Variants in DLGAP1 observed in about 807,000 individuals in gnomAD.
DLGAP1 encodes the protein disks large-associated protein 1.
A neutral mutation model predicts 90.8 loss-of-function variants in DLGAP1; 11 were observed. The ratio of observed to expected loss-of-function variants is 0.12; its 90% confidence interval spans 0.08 to 0.20. The LOEUF (loss-of-function observed/expected upper bound fraction) is 0.20. Among genes scored for constraint, DLGAP1 ranks in the 10% least tolerant of loss-of-function variants. DLGAP1 has a pLI of 1.00. For missense variants in DLGAP1, 1,050 were observed against 1,333.8 expected (o/e 0.79, Z 3.31); for synonymous variants, 558 against 540.7 (o/e 1.03, Z -0.44).
intron 4 of DLGAP1, among the ~76,000 whole-genome samples, chr18:3,859,395 T>C (rs1048531103): frequency 6.6e-6 from 1 of 152,210 alleles, no homozygotes; most frequent in Non-Finnish European, 1.5e-5. Flanking sequence ...GATTCTGTAG[T>C]AGGCAGATTA....
At chr18:4,245,869 C>A (rs1409813013) in intron 1 of DLGAP1, among the ~76,000 whole-genome samples, 3 of 151,888 alleles carry the variant, frequency 2.0e-5, no homozygotes, top group African/African-American at 7.3e-5. Context: ...GACAGGGCCC[C>A]GACTCATCTT....
chr18:3,814,355 A>G, intron 4 of DLGAP1, 82 bp from the exon 5 acceptor site: 1 of 1,242,902 alleles, frequency 8.0e-7, no homozygotes, highest in South Asian at 1.5e-5. Flanking sequence ...TAGATTTAAC[A>G]TTTCTATTTT....
chr18:3,918,831 A>G (rs1303165819), intron 3 of DLGAP1, among the ~76,000 whole-genome samples: 1 of 152,186 alleles, frequency 6.6e-6, no homozygotes, highest in East Asian at 1.9e-4. Context: ...AAGGGGGCAG[A>G]TGGAAGAAAT....
chr18:4,287,120 C>T (rs1177112307), intron 1 of DLGAP1, among the ~76,000 whole-genome samples: 1 of 152,074 alleles, frequency 6.6e-6, no homozygotes, highest in Admixed American at 6.5e-5. Context: ...AGTTTGGAAC[C>T]AAGCCAAGCC....
At chr18:3,772,097 C>CT (rs2064585379) in intron 5 of DLGAP1, among the ~76,000 whole-genome samples, 6 of 151,860 alleles carry the variant, frequency 4.0e-5, no homozygotes, top group African/African-American at 1.2e-4. Context: ...CTAAGCCTTT[C>CT]TTTCTTTTCT....
chr18:3,720,888 C>CCAAAAAAAAAAAAAAAAAAAAAAAA lies in DLGAP1; in HGVS notation c.1591+8246_1591+8247insTTTTTTTTTTTTTTTTTTTTTTTTG, dbSNP rs1441095000. On this transcript the variant is annotated intron_variant, in intron 7 of 12. Coordinates refer to ENST00000315677, the MANE Select transcript of DLGAP1 (RefSeq NM_004746.4). ...GCAACATACTAAGACCTTGTCTCTACAAAAAAAAAAAAAAAAAAAAATTAG... is the reference window on the plus strand; with the variant it reads ...GCAACATACTAAGACCTTGTCTCTACCAAAAAAAAAAAAAAAAAAAAAAAAAAAAAAAAAAAAAAAAAAAAATTAG... 1.8e-3 allele frequency among the ~76,000 whole-genome samples: 90 copies of CCAAAAAAAAAAAAAAAAAAAAAAAA among 50,298 alleles called. 19 individuals are homozygous for CCAAAAAAAAAAAAAAAAAAAAAAAA. Among genetic ancestry groups the CCAAAAAAAAAAAAAAAAAAAAAAAA allele is most frequent in the African/African-American group, 6.5e-3 (81 of 12,480 alleles). 33.0% of individuals were successfully genotyped at this position (50,298 alleles called of 152,430 possible). A position where few individuals can be genotyped will look rare whatever the true frequency, so the allele number is the denominator to read the frequency against.
chr18:3,963,213 C>A (rs910582848), intron 3 of DLGAP1, among the ~76,000 whole-genome samples: 1 of 152,084 alleles, frequency 6.6e-6, no homozygotes, highest in Non-Finnish European at 1.5e-5. Flanking sequence ...TTCAGAATAC[C>A]CACTTGGAGG....
At chr18:3,874,166 T>C in intron 4 of DLGAP1, 1 of 1,550,102 alleles carries the variant, frequency 6.5e-7, no homozygotes, top group Middle Eastern at 1.7e-4. Context: ...GGTCAGTCCT[T>C]CCATTTCTTG....
At chr18:3,802,757 C>A (rs879846218) in intron 5 of DLGAP1, among the ~76,000 whole-genome samples, 6 of 152,202 alleles carry the variant, frequency 3.9e-5, no homozygotes, top group Non-Finnish European at 8.8e-5. Context: ...TTATAGCTCT[C>A]TTGTCTCCCT....
chr18:3,828,129 C>T (rs2067821768), intron 4 of DLGAP1, among the ~76,000 whole-genome samples: 2 of 152,190 alleles, frequency 1.3e-5, no homozygotes, highest in Non-Finnish European at 2.9e-5. Flanking sequence ...TCAGAATAAA[C>T]ACAGACCTGC....
intron 9 of DLGAP1, 64 bp from the exon 10 acceptor site, chr18:3,534,679 TTCC>T: frequency 7.3e-7 from 1 of 1,371,730 alleles, no homozygotes; most frequent in South Asian, 1.5e-5. Flanking sequence ...CCTTCCTTCC[TTCC>T]TTCCTTTCTT....
intron 7 of DLGAP1, among the ~76,000 whole-genome samples, chr18:3,647,422 TA>T (rs1016969489): frequency 4.6e-4 from 70 of 151,616 alleles, no homozygotes; most frequent in African/African-American, 1.7e-3. Flanking sequence ...GCCTACATGC[TA>T]AACAGTTTAC....
intron 1 of DLGAP1, among the ~76,000 whole-genome samples, chr18:4,290,184 A>G (rs1236692500): frequency 6.6e-6 from 1 of 152,234 alleles, no homozygotes; most frequent in Non-Finnish European, 1.5e-5. Context: ...ACCATTTCAC[A>G]TCTTGCAAAA....
At chr18:3,741,252 C>CAT (rs1484777122) in intron 6 of DLGAP1, among the ~76,000 whole-genome samples, 1 of 121,598 alleles carries the variant, frequency 8.2e-6, no homozygotes. Context: ...ATCACCATCA[C>CAT]CACCACAATC....
rs144623697 is a variant in DLGAP1, at chr18:3,819,242, G to A, written c.958-4969C>T. On this transcript the variant is annotated intron_variant, in intron 4 of 12. Transcript: ENST00000315677. The stretch of plus-strand genomic sequence containing the variant: ...GGAGAATCGCTTGAACCTGGGAGGC[G>A]GAGGTTGCAGTGAGCTGAGATCGTG... Among the ~76,000 whole-genome samples, 828 of 152,028 alleles carry A rather than the reference G, an allele frequency of 5.4e-3. 6 individuals are homozygous for A. Among genetic ancestry groups the A allele is most frequent in the African/African-American group, 0.018 (737 of 41,486 alleles).
intron 7 of DLGAP1, chr18:3,603,367 C>T (rs1297086256): frequency 2.0e-5 from 3 of 152,006 alleles, no homozygotes; most frequent in Non-Finnish European, 2.9e-5. Context: ...GGGCTTAAGG[C>T]AGGAAATTGT....
At chr18:3,800,407 T>C (rs2066232751) in intron 5 of DLGAP1, among the ~76,000 whole-genome samples, 1 of 152,244 alleles carries the variant, frequency 6.6e-6, no homozygotes, top group Non-Finnish European at 1.5e-5. Flanking sequence ...AGGGAAGTGG[T>C]TGTATAAATT....
At chr18:3,668,399 A>G (rs2059956120) in intron 7 of DLGAP1, among the ~76,000 whole-genome samples, 2 of 152,040 alleles carry the variant, frequency 1.3e-5, no homozygotes, top group South Asian at 4.1e-4. Context: ...TGCAGCCTCA[A>G]AGTCCTGAGC....
intron 1 of DLGAP1, among the ~76,000 whole-genome samples, chr18:4,330,345 C>A (rs545105305): frequency 6.6e-6 from 1 of 151,432 alleles, no homozygotes; most frequent in Non-Finnish European, 1.5e-5. Flanking sequence ...TTTTACTGTT[C>A]TTCTGTTTCT....
Sources: gnomAD v4.1 joint callset for allele counts (sites outside exome capture counted in the v4.1 genomes callset) on GRCh38, gnomAD v4.1.1 for gene constraint, MANE v1.5 for transcripts, NCBI Gene and HGNC (gene_info 2026-07-23, HGNC 2026-07-21) for gene names.